FOXP2: variants seen among roughly 807,000 people sequenced by gnomAD.
FOXP2 encodes the protein forkhead box protein P2.
Under a neutral mutation model 115.8 loss-of-function variants are expected in FOXP2, and 12 were observed. That is an observed-to-expected ratio of 0.10 (90% confidence interval 0.07 to 0.17). The LOEUF (loss-of-function observed/expected upper bound fraction) is 0.17, where lower values mean the gene tolerates loss of function less well. Ranked by LOEUF, FOXP2 falls within the 10% of genes least tolerant of loss-of-function variation. FOXP2 has a pLI of 1.00. For missense variants in FOXP2, 629 were observed against 843.5 expected, an observed-to-expected ratio of 0.75 and a Z score of 3.15; for synonymous variants, 328 against 297.7, an observed-to-expected ratio of 1.10 and a Z score of -1.05.
rs369254369 is a variant in FOXP2, at chr7:114,654,857, C to T, written c.1266+848C>T. ...CTTTAGGTAAAAAACGAACATTTGG[C>T]TTTGTAGTTGGGGAGGAGACAGAAG... On this transcript the variant is annotated intron_variant, in intron 10 of 16. Coordinates refer to ENST00000350908, the MANE Select transcript of FOXP2 (RefSeq NM_014491.4). Among the ~76,000 whole-genome samples, 5 of 152,138 alleles carry T rather than the reference C, an allele frequency of 3.3e-5. No homozygotes were observed. In the East Asian group the frequency reaches 9.6e-4, roughly 29 times the overall value.
At chr7:114,627,621 G>A (rs1339384483) in intron 3 of FOXP2, among the ~76,000 whole-genome samples, 1 of 151,728 alleles carries the variant, frequency 6.6e-6, no homozygotes, top group Non-Finnish European at 1.5e-5. Flanking sequence ...CTTTTTCTAC[G>A]TTTTCCTTAC....
At chr7:114,344,406 G>A (rs777265525) in intron 2 of FOXP2, among the ~76,000 whole-genome samples, 1 of 151,798 alleles carries the variant, frequency 6.6e-6, no homozygotes. Context: ...GCAAGAAGAC[G>A]ATTCCCCATT....
rs534470600 is a variant in FOXP2, at chr7:114,643,336, A to G, written c.989+713A>G. On this transcript the variant is annotated intron_variant, in intron 7 of 16. Coordinates refer to ENST00000350908, the MANE Select transcript of FOXP2 (RefSeq NM_014491.4). Reference sequence around the variant, plus strand: ...AAAGATGCATGGATATCTCTCTTATATGTTTCAAACATATGAATTAGAAAT... The same window carrying G: ...AAAGATGCATGGATATCTCTCTTATGTGTTTCAAACATATGAATTAGAAAT... 2.6e-4 allele frequency among the ~76,000 whole-genome samples: 40 copies of G among 152,294 alleles called. No individual in the cohort carries two copies. In the East Asian group the frequency reaches 7.5e-3, roughly 29 times the overall value.
chr7:114,121,380 T>G (rs1205688416), intron 1 of FOXP2, among the ~76,000 whole-genome samples: 3 of 152,062 alleles, frequency 2.0e-5, no homozygotes, highest in Non-Finnish European at 4.4e-5. Flanking sequence ...CAGCCACCAG[T>G]CTATGGTACT....
At chr7:114,227,247 T>C (rs1315080778) in intron 1 of FOXP2, among the ~76,000 whole-genome samples, 2 of 152,082 alleles carry the variant, frequency 1.3e-5, no homozygotes, top group Non-Finnish European at 2.9e-5. Context: ...TGGAAGGAAT[T>C]CAAAGAGTTT....
intron 3 of FOXP2, among the ~76,000 whole-genome samples, chr7:114,587,751 G>A: frequency 6.6e-6 from 1 of 150,994 alleles, no homozygotes; most frequent in Non-Finnish European, 1.5e-5. Context: ...CTAAGGAAAG[G>A]CACTGATGGG....
chr7:114,289,105 T>C (rs1796534025), intron 2 of FOXP2, among the ~76,000 whole-genome samples: 1 of 151,896 alleles, frequency 6.6e-6, no homozygotes, highest in Non-Finnish European at 1.5e-5. Flanking sequence ...GTTAAATATT[T>C]CCCAGGTATT....
At chr7:114,403,482 C>T (rs1019320669) in intron 2 of FOXP2, among the ~76,000 whole-genome samples, 5 of 152,180 alleles carry the variant, frequency 3.3e-5, no homozygotes, top group African/African-American at 1.2e-4. Context: ...CTTTATACTT[C>T]TCATTGCCTT....
intron 2 of FOXP2, 83 bp downstream of exon 2, chr7:114,426,762 A>T: frequency 7.1e-7 from 1 of 1,399,148 alleles, no homozygotes; most frequent in Non-Finnish European, 1.0e-6. Context: ...TAGCAAACTG[A>T]GCATGTTGTG....
chr7:114,654,201 C>A, intron 10 of FOXP2, 192 bp downstream of exon 10: 1 of 1,303,204 alleles, frequency 7.7e-7, no homozygotes, highest in Non-Finnish European at 1.0e-6. Flanking sequence ...AAAATCTATC[C>A]AATCTACACC....
intron 1 of FOXP2, among the ~76,000 whole-genome samples, chr7:114,274,898 G>A (rs190012482): frequency 6.6e-6 from 1 of 151,556 alleles, no homozygotes; most frequent in Admixed American, 6.6e-5. Context: ...CAAGCAATCC[G>A]CTCACCTCAG....
chr7:114,607,891 C>T (rs1261562712), intron 3 of FOXP2, among the ~76,000 whole-genome samples: 1 of 151,988 alleles, frequency 6.6e-6, no homozygotes, highest in Non-Finnish European at 1.5e-5. Flanking sequence ...CTTAATAATT[C>T]CTGGCTAATT....
intron 1 of FOXP2, chr7:114,419,845 A>G (rs918732819): frequency 6.6e-6 from 1 of 151,814 alleles, no homozygotes; most frequent in Admixed American, 6.6e-5. Context: ...CATTGCATCC[A>G]CCTGCTAGGC....
At chr7:114,564,671 G>A (rs1800919108) in intron 3 of FOXP2, among the ~76,000 whole-genome samples, 1 of 151,950 alleles carries the variant, frequency 6.6e-6, no homozygotes, top group Non-Finnish European at 1.5e-5. Flanking sequence ...CTTGAGCCCA[G>A]GAGTTCAAGA....
intron 2 of FOXP2, among the ~76,000 whole-genome samples, chr7:114,383,551 C>T (rs1346021848): frequency 6.6e-6 from 1 of 152,158 alleles, no homozygotes; most frequent in Non-Finnish European, 1.5e-5. Context: ...AAAGTTTGCA[C>T]ATATGGCACT....
intron 1 of FOXP2, among the ~76,000 whole-genome samples, chr7:114,279,411 TCAGATGATTAGGAAATCCAGCAACTCC>T (rs1796272461): frequency 1.3e-5 from 2 of 152,300 alleles, no homozygotes; most frequent in South Asian, 4.1e-4. Context: ...TATTTATTCC[TCAGATGATTAGGAAATCCAGCAACTCC>T]CAATATCCTA....
intron 3 of FOXP2, among the ~76,000 whole-genome samples, chr7:114,569,763 A>G (rs1000711569): frequency 1.3e-5 from 2 of 151,948 alleles, no homozygotes; most frequent in Non-Finnish European, 2.9e-5. Flanking sequence ...CTTATCTTCA[A>G]GAAAATGGCA....
intron 1 of FOXP2, among the ~76,000 whole-genome samples, chr7:114,119,876 G>A (rs893002272): frequency 4.6e-5 from 7 of 151,990 alleles, no homozygotes; most frequent in Admixed American, 2.0e-4. Flanking sequence ...CCTGTGTATT[G>A]CCCCCAGAAA....
chr7:114,520,484 T>C (rs1798566426), intron 2 of FOXP2, among the ~76,000 whole-genome samples: 1 of 152,124 alleles, frequency 6.6e-6, no homozygotes, highest in Non-Finnish European at 1.5e-5. Context: ...CCTCTTTGTC[T>C]ACATTTTTAT....
Sources: allele counts gnomAD v4.1 joint callset (sites outside exome capture counted in the v4.1 genomes callset), GRCh38; gene constraint gnomAD v4.1.1; transcripts MANE v1.5; gene names NCBI Gene and HGNC (gene_info 2026-07-23, HGNC 2026-07-21).